Variants in ZBTB20 observed in about 807,000 individuals in gnomAD.
ZBTB20 encodes the protein zinc finger and BTB domain-containing protein 20.
In ZBTB20, 9 loss-of-function variants were observed where a neutral mutation model predicts 56.9. That is an observed-to-expected ratio of 0.16 (90% confidence interval 0.10 to 0.28). ZBTB20 has a LOEUF of 0.28. Among genes scored for constraint, ZBTB20 ranks in the 10% least tolerant of loss-of-function variants. The pLI is 1.00. For synonymous variants in ZBTB20, 417 were observed against 420.7 expected (o/e 0.99, Z 0.11); for missense variants, 655 against 1,003.0 (o/e 0.65, Z 4.69).
At chr3:114,594,527 T>A (rs1054299332) in intron 6 of ZBTB20, among the ~76,000 whole-genome samples, 3 of 152,136 alleles carry the variant, frequency 2.0e-5, no homozygotes, top group African/African-American at 7.2e-5. Flanking sequence ...GGCCTCCCAA[T>A]ATATTATTAA....
intron 4 of ZBTB20, among the ~76,000 whole-genome samples, chr3:114,846,066 A>G (rs1336897115): frequency 6.6e-6 from 1 of 152,230 alleles, no homozygotes; most frequent in Non-Finnish European, 1.5e-5. Context: ...GTGGTTAGAT[A>G]AACACACAAG....
At chr3:114,490,397 A>G (rs138124836) in intron 7 of ZBTB20, among the ~76,000 whole-genome samples, 3,953 of 151,896 alleles carry the variant, frequency 0.026, 133 homozygotes, top group East Asian at 0.1. Context: ...AATTTTTTGT[A>G]TTTTTAGTAG....
intron 7 of ZBTB20, among the ~76,000 whole-genome samples, chr3:114,473,355 T>C (rs1000298081): frequency 6.6e-6 from 1 of 152,246 alleles, no homozygotes; most frequent in South Asian, 2.1e-4. Context: ...GCTGATGAAC[T>C]GAATTTGAAA....
chr3:114,515,259 T>C (rs1404871883), intron 6 of ZBTB20, among the ~76,000 whole-genome samples: 2 of 152,210 alleles, frequency 1.3e-5, no homozygotes, highest in Admixed American at 6.5e-5. Context: ...CCCAGACTAT[T>C]ATTTTCCAGT....
chr3:115,033,973 C>T (rs1313871397), intron 2 of ZBTB20, among the ~76,000 whole-genome samples: 1 of 151,556 alleles, frequency 6.6e-6, no homozygotes, highest in Non-Finnish European at 1.5e-5. Context: ...ACATAATACA[C>T]CACATTAACA....
chr3:115,070,467 T>G (rs1174941486), intron 2 of ZBTB20, among the ~76,000 whole-genome samples: 1 of 152,134 alleles, frequency 6.6e-6, no homozygotes, highest in Non-Finnish European at 1.5e-5. Context: ...ACACCATTTT[T>G]TCAGAGTATT....
intron 5 of ZBTB20, among the ~76,000 whole-genome samples, chr3:114,714,725 C>A (rs1484677653): frequency 6.6e-6 from 1 of 152,168 alleles, no homozygotes; most frequent in Non-Finnish European, 1.5e-5. Context: ...CTGCATTAGT[C>A]TCACAATAAT....
intron 7 of ZBTB20, among the ~76,000 whole-genome samples, chr3:114,493,785 C>A (rs2042994364): frequency 6.6e-6 from 1 of 152,168 alleles, no homozygotes; most frequent in Admixed American, 6.6e-5. Context: ...GTGGTAAGCA[C>A]AATTTGTAAT....
At chr3:114,782,406 T>C (rs2070170502) in intron 5 of ZBTB20, among the ~76,000 whole-genome samples, 1 of 152,150 alleles carries the variant, frequency 6.6e-6, no homozygotes, top group Non-Finnish European at 1.5e-5. Context: ...GAGGGGCGTG[T>C]TGAAGTAGAA....
chr3:114,452,013 C>T (rs935127520), intron 7 of ZBTB20, among the ~76,000 whole-genome samples: 1 of 151,876 alleles, frequency 6.6e-6, no homozygotes, highest in African/African-American at 2.4e-5. Flanking sequence ...TTATCCCAGT[C>T]CCTCTGCCCC....
At chr3:114,596,949 T>C (rs2056363467) in intron 6 of ZBTB20, among the ~76,000 whole-genome samples, 1 of 152,136 alleles carries the variant, frequency 6.6e-6, no homozygotes, top group African/African-American at 2.4e-5. Context: ...TTAAGGGAGA[T>C]ACATGTTACA....
At chr3:114,552,596 CATGGATTTCTAAACAATATA>C (rs2050714057) in intron 6 of ZBTB20, among the ~76,000 whole-genome samples, 1 of 152,276 alleles carries the variant, frequency 6.6e-6, no homozygotes, top group Admixed American at 6.5e-5. Context: ...TTTTCTCTGA[CATGGATTTCTAAACAATATA>C]ATTATGGTTC....
chr3:114,719,667 T>G (rs1441838302), intron 5 of ZBTB20, among the ~76,000 whole-genome samples: 3 of 152,076 alleles, frequency 2.0e-5, no homozygotes, highest in Non-Finnish European at 4.4e-5. Flanking sequence ...GTAGACTAAG[T>G]CAGAAGGCTT....
chr3:114,609,154 A>T (rs1202772271), intron 6 of ZBTB20, among the ~76,000 whole-genome samples: 1 of 152,228 alleles, frequency 6.6e-6, no homozygotes, highest in Admixed American at 6.5e-5. Context: ...ACACCATCTA[A>T]GATGAGCTCA....
chr3:115,132,333 C>G (rs949122822), intron 1 of ZBTB20, among the ~76,000 whole-genome samples: 1 of 152,030 alleles, frequency 6.6e-6, no homozygotes, highest in African/African-American at 2.4e-5. Context: ...CTCATAGATG[C>G]CCAAATTCCT....
At chr3:114,823,812 A>G (rs76415629) in intron 4 of ZBTB20, among the ~76,000 whole-genome samples, 2,587 of 152,168 alleles carry the variant, frequency 0.017, 92 homozygotes, top group African/African-American at 0.06. Flanking sequence ...TGTAGTGCCA[A>G]TAAAACAATT....
rs187870866 is a variant in ZBTB20 at position 114,710,608 on chromosome 3, T to C, written c.-342-17033A>G. ...GATGTCTCTCTCATGTAAAACCACATTGAGACCCTCAGCAACTTTTGTCAG... is the reference window on the plus strand; with the variant it reads ...GATGTCTCTCTCATGTAAAACCACACTGAGACCCTCAGCAACTTTTGTCAG... On this transcript the variant is annotated intron_variant, in intron 5 of 11. Coordinates refer to ENST00000675478, the MANE Select transcript of ZBTB20 (RefSeq NM_001348800.3). Among the ~76,000 whole-genome samples, 5 of 152,288 alleles carry C rather than the reference T, an allele frequency of 3.3e-5. No individual in the cohort carries two copies. The South Asian group carries it at 6.2e-4, about 19-fold the overall frequency.
At chr3:114,574,572 G>A (rs949268364) in intron 6 of ZBTB20, among the ~76,000 whole-genome samples, 1 of 151,686 alleles carries the variant, frequency 6.6e-6, no homozygotes, top group Admixed American at 6.6e-5. Context: ...CATTCTATTT[G>A]ACTGAACATA....
intron 5 of ZBTB20, among the ~76,000 whole-genome samples, chr3:114,704,586 A>G (rs1019812386): frequency 6.6e-6 from 1 of 152,188 alleles, no homozygotes; most frequent in Admixed American, 6.5e-5. Context: ...CCTGTCTGCC[A>G]TACTTGGCTG....
Sources: allele counts gnomAD v4.1 joint callset (sites outside exome capture counted in the v4.1 genomes callset), GRCh38; gene constraint gnomAD v4.1.1; transcripts MANE v1.5; gene names NCBI Gene and HGNC (gene_info 2026-07-23, HGNC 2026-07-21).